MAPK8IP1: variants seen among roughly 807,000 people sequenced by gnomAD.
MAPK8IP1 encodes mitogen-activated protein kinase 8 interacting protein 1.
MAPK8IP1 carries 17 observed loss-of-function variants against 72.6 expected under a neutral mutation model. The ratio of observed to expected loss-of-function variants is 0.23; its 90% CI spans 0.16 to 0.35. The LOEUF (loss-of-function observed/expected upper bound fraction) is 0.35, where lower values mean the gene tolerates loss of function less well. MAPK8IP1 is among the 10% of genes least tolerant of loss of function. The pLI, the probability that MAPK8IP1 is intolerant of heterozygous loss-of-function variation, is 1.00. For missense variants in MAPK8IP1, 789 were observed against 1,009.7 expected, an observed-to-expected ratio of 0.78 and a Z score of 2.96; for synonymous variants, 401 against 443.4, an observed-to-expected ratio of 0.90 and a Z score of 1.20.
chr11:45,902,099 T>G lies in MAPK8IP1; in HGVS notation c.604+38T>G. 6.4e-7 allele frequency: 1 copy of G among 1,557,062 alleles called. No individual in the cohort carries two copies. Among genetic ancestry groups the G allele is most frequent in the Non-Finnish European group, 8.9e-7 (1 of 1,128,054 alleles). ...CCTCTTCCTTACCTGGACCTCCGCCTGCCCTGACTCAGTCCCCACTACAGA... is the reference window on the plus strand; with the variant it reads ...CCTCTTCCTTACCTGGACCTCCGCCGGCCCTGACTCAGTCCCCACTACAGA... On this transcript the variant is annotated intron_variant, in intron 4 of 11. Transcript: ENST00000241014. The surrounding 1 kb of genome is among the most constrained non-coding windows in gnomAD (Gnocchi z 9.3).
At position 45,903,958 on chromosome 11, in the gene MAPK8IP1, C is replaced by T. The variant is rs745986558; in HGVS notation, c.1494-31C>T. 128 of 1,610,888 alleles carry T rather than the reference C, an allele frequency of 7.9e-5. No homozygotes were observed. The Admixed American group carries it at 8.2e-4, about 10-fold the overall frequency. On this transcript the variant is annotated intron_variant, in intron 6 of 11. Coordinates refer to ENST00000241014, the MANE Select transcript of MAPK8IP1 (RefSeq NM_005456.4). This position sits in a 1 kb window ranked among gnomAD's most constrained non-coding sequence, Gnocchi z 6.4. Reference sequence around the variant, plus strand: ...GGCCTGGCTGGACAGGCCTTGGTGCCGAATTTCTCACCTGTCCTTGCTGGG... The same window carrying T: ...GGCCTGGCTGGACAGGCCTTGGTGCTGAATTTCTCACCTGTCCTTGCTGGG...
At chr11:45,901,069 C>G (rs1031783717) in intron 3 of MAPK8IP1, among the ~76,000 whole-genome samples, 2 of 152,100 alleles carry the variant, frequency 1.3e-5, no homozygotes, top group Non-Finnish European at 2.9e-5. Context: ...GTTGGGGGAG[C>G]TGGCTGTGGC....
At position 45,903,573 on chromosome 11, in the gene MAPK8IP1, G is replaced by A. The variant is rs2086676115; in HGVS notation, c.1493+133G>A. 2 of 788,548 alleles carry A rather than the reference G, an allele frequency of 2.5e-6. No individual in the cohort carries two copies. The highest frequency in any genetic ancestry group is 4.3e-6 in the Non-Finnish European group (2 of 467,184). The allele number at this position is 788,548 out of a possible 1,614,324, so 48.8% of individuals were successfully genotyped here. ...TCATTTATCCACTCAGCCCTGGGAG[G>A]ACAGTGTCCACTCTCTAGGGACTCA... On this transcript the variant is annotated intron_variant, in intron 6 of 11. Transcript: ENST00000241014. The surrounding 1 kb of genome is among the most constrained non-coding windows in gnomAD (Gnocchi z 6.4).
chr11:45,890,149 T>A (rs2086555544), intron 1 of MAPK8IP1, among the ~76,000 whole-genome samples: 1 of 152,074 alleles, frequency 6.6e-6, no homozygotes, highest in Non-Finnish European at 1.5e-5. Context: ...GGGCAGGGTG[T>A]CTGGTGCCCA....
chr11:45,897,540 T>C (rs2086618148), intron 1 of MAPK8IP1, among the ~76,000 whole-genome samples: 1 of 152,224 alleles, frequency 6.6e-6, no homozygotes, highest in African/African-American at 2.4e-5. Flanking sequence ...CTTTCTGGAA[T>C]AGGCTGAAAC....
Position 45,904,089 on chromosome 11 carries a change from C to T in MAPK8IP1, c.1594C>T (p.Arg532Cys), listed in dbSNP as rs752521574. 3 of 1,614,060 alleles carry T rather than the reference C, an allele frequency of 1.9e-6. No individual in the cohort carries two copies. The highest frequency in any genetic ancestry group is 1.3e-5 in the African/African-American group (1 of 75,022). The change falls in exon 7 of 12, where the codon CGC (arginine) becomes TGC (cysteine). Residue 532 changes from arginine (R) to cysteine (C), a missense_variant. Around this residue, in one of 4 missense-constraint regions of MAPK8IP1, gnomAD observed 188 missense variants for 293.3 expected, o/e 0.64. Coordinates refer to ENST00000241014, the MANE Select transcript of MAPK8IP1 (RefSeq NM_005456.4). The surrounding 1 kb of genome is among the most constrained non-coding windows in gnomAD (Gnocchi z 6.4). ...EDYWYEAYNM[R>C]TGARGVFPAY... is the part of the protein sequence containing the mutation. ...CTACTGGTACGAGGCCTACAACATG[C>T]GCACTGGTGCCCGGGGTGTCTTTCC... is the stretch of plus-strand genomic sequence containing the variant.
chr11:45,896,268 T>G (rs953416176), intron 1 of MAPK8IP1, among the ~76,000 whole-genome samples: 2 of 152,188 alleles, frequency 1.3e-5, no homozygotes, highest in Non-Finnish European at 2.9e-5. Flanking sequence ...AAACCCAGTT[T>G]GGATGCAGCC....
At position 45,900,281 on chromosome 11, in the gene MAPK8IP1, C is replaced by T. The variant is rs1293807578; in HGVS notation, c.351C>T (p.Arg117=). ...ACGAGGAGGACGACGACGAGGAGCG[C>T]GCGGCCCGGCGGCCGGGAGCGGGGC... ...EDDEEDDDEE[R]AARRPGAGPP... Residue 117 remains arginine, a synonymous_variant, in exon 3 of 12, where the codon CGC becomes CGT. Transcript: ENST00000241014. The surrounding 1 kb of genome is among the most constrained non-coding windows in gnomAD (Gnocchi z 6.5). 4.5e-6 allele frequency: 6 copies of T among 1,329,648 alleles called. No homozygotes were observed. In the Admixed American group the frequency reaches 1.7e-4, roughly 37 times the overall value. The allele number at this position is 1,329,648 out of a possible 1,614,324, so 82.4% of individuals were successfully genotyped here.
chr11:45,901,809 C>T (rs2086654772), intron 3 of MAPK8IP1, 171 bp from the exon 4 acceptor site: 26 of 742,532 alleles, frequency 3.5e-5, no homozygotes, highest in Middle Eastern at 3.8e-4. Flanking sequence ...TGTGACTTGC[C>T]ACCCTTCCTG....
In MAPK8IP1 at chr11:45,896,337, C is replaced by T. The variant is rs1286604900; in HGVS notation, c.102-1748C>T. Among the ~76,000 whole-genome samples the T allele has an allele frequency of 2.6e-5, 4 of 152,262 alleles. 1 individual carries two copies. Among genetic ancestry groups the T allele is most frequent in the Admixed American group, 2.6e-4 (4 of 15,292 alleles). On this transcript the variant is annotated intron_variant, in intron 1 of 11. Transcript: ENST00000241014. ...GGGCTGAGCCTATGGCAGTGCAAAC[C>T]GAGTGTTCATTCTTAGGGTGTTTGG...
chr11:45,904,840 T>G lies in MAPK8IP1; in HGVS notation c.1893+6T>G. 5 of 1,613,802 alleles carry G rather than the reference T, an allele frequency of 3.1e-6. No homozygotes were observed. The highest frequency in any genetic ancestry group is 4.2e-6 in the Non-Finnish European group (5 of 1,179,780). ...ATGACTCCCAGGAGGCCAAGGTGACTTCTTCCAACCCAGCCCCTTCCTTCC... is the reference window on the plus strand; with the variant it reads ...ATGACTCCCAGGAGGCCAAGGTGACGTCTTCCAACCCAGCCCCTTCCTTCC... On this transcript the variant is annotated splice_donor_region_variant and intron_variant, in intron 9 of 11. Transcript: ENST00000241014. This position sits in a 1 kb window ranked among gnomAD's most constrained non-coding sequence, Gnocchi z 6.4.
At chr11:45,888,713 G>C (rs540303961) in intron 1 of MAPK8IP1, among the ~76,000 whole-genome samples, 61 of 151,208 alleles carry the variant, frequency 4.0e-4, no homozygotes, top group Non-Finnish European at 7.8e-4. Context: ...TTTTTTTTGA[G>C]ACAGAGTCTC....
intron 1 of MAPK8IP1, among the ~76,000 whole-genome samples, chr11:45,896,043 T>A (rs911720738): frequency 2.0e-5 from 3 of 152,174 alleles, no homozygotes; most frequent in Non-Finnish European, 4.4e-5. Flanking sequence ...CCCACCCCTC[T>A]GTGCAGTGCC....
In MAPK8IP1 at chr11:45,904,851, C is replaced by T. The variant is rs760697029; in HGVS notation, c.1893+17C>T. The T allele has an allele frequency of 7.4e-6, 12 of 1,612,610 alleles. No individual in the cohort carries two copies. Among genetic ancestry groups the T allele is most frequent in the Non-Finnish European group, 7.6e-6 (9 of 1,178,756 alleles). ...GAGGCCAAGGTGACTTCTTCCAACC[C>T]AGCCCCTTCCTTCCATGGCCCCAAG... On this transcript the variant is annotated intron_variant, in intron 9 of 11. Coordinates refer to ENST00000241014, the MANE Select transcript of MAPK8IP1 (RefSeq NM_005456.4). This position sits in a 1 kb window ranked among gnomAD's most constrained non-coding sequence, Gnocchi z 6.4.
chr11:45,894,406 G>A (rs2086588303), intron 1 of MAPK8IP1, among the ~76,000 whole-genome samples: 1 of 148,338 alleles, frequency 6.7e-6, no homozygotes, highest in Admixed American at 6.6e-5. Flanking sequence ...CCCCAGTAGA[G>A]CCAGGGATCA....
intron 1 of MAPK8IP1, among the ~76,000 whole-genome samples, chr11:45,893,564 C>T (rs2086582008): frequency 6.6e-6 from 1 of 152,220 alleles, no homozygotes; most frequent in Non-Finnish European, 1.5e-5. Flanking sequence ...TGGATGACGT[C>T]TCAAGGATCA....
chr11:45,896,860 CCGGCCGGGCAGGG>C (rs765403504), intron 1 of MAPK8IP1: 2 of 1,549,540 alleles, frequency 1.3e-6, no homozygotes, highest in South Asian at 2.4e-5. Flanking sequence ...CCGCAGCCCC[CCGGCCGGGCAGGG>C]CTCTCCATGC....
chr11:45,886,714 T>C (rs998449598), intron 1 of MAPK8IP1, among the ~76,000 whole-genome samples: 5 of 151,958 alleles, frequency 3.3e-5, no homozygotes, highest in African/African-American at 1.2e-4. Context: ...GGAGGAGGAA[T>C]AGATGTACCT....
intron 3 of MAPK8IP1, among the ~76,000 whole-genome samples, chr11:45,901,077 G>A (rs1485269794): frequency 6.6e-6 from 1 of 152,168 alleles, no homozygotes; most frequent in African/African-American, 2.4e-5. Flanking sequence ...AGCTGGCTGT[G>A]GCCCTTTGTC....
Sources: gnomAD v4.1 joint callset for allele counts (sites outside exome capture counted in the v4.1 genomes callset) on GRCh38, gnomAD v4.1.1 for gene constraint, gnomAD v4.1.1 regional missense constraint, Gnocchi (gnomAD v3.1) non-coding constraint, MANE v1.5 for transcripts, NCBI Gene and HGNC (gene_info 2026-07-23, HGNC 2026-07-21) for gene names.